STS: variants seen among roughly 807,000 people sequenced by gnomAD.
STS encodes the protein steryl-sulfatase.
In STS, 7 loss-of-function variants were observed where a neutral mutation model predicts 26.8. The observed-to-expected ratio is 0.26, with a 90% confidence interval of 0.15 to 0.49. The LOEUF (loss-of-function observed/expected upper bound fraction) is 0.49. STS is among the 20% of genes least tolerant of loss of function. STS has a pLI of 0.98. For synonymous variants in STS, 199 were observed against 189.4 expected, an observed-to-expected ratio of 1.05 and a Z score of -0.42; for missense variants, 434 against 465.6, an observed-to-expected ratio of 0.93 and a Z score of 0.63.
chrX:7,308,875 A>G lies in STS; in HGVS notation c.1081+3692A>G, dbSNP rs747857302. ...AGATATCTTGTTCTCTAGAGCTGCA[A>G]ACTCGAACACATACCTGTGGTTTAC... On this transcript the variant is annotated intron_variant, in intron 8 of 10. Transcript: ENST00000674429. Among the ~76,000 whole-genome samples the G allele has an allele frequency of 1.2e-4, 13 of 111,910 alleles. No homozygotes were observed. The South Asian group carries it at 4.5e-3, about 39-fold the overall frequency.
chrX:7,179,548 T>C (rs1435916024), intron 1 of STS, among the ~76,000 whole-genome samples: 6 of 112,498 alleles, frequency 5.3e-5, no homozygotes, highest in Non-Finnish European at 7.5e-5. Flanking sequence ...GGTACATGTA[T>C]TCACACCCAA....
chrX:7,227,192 TA>T (rs1394957899), intron 2 of STS, among the ~76,000 whole-genome samples: 5 of 112,009 alleles, frequency 4.5e-5, no homozygotes, highest in Admixed American at 9.5e-5. Context: ...ATAAATCCTT[TA>T]AAAAATAATT....
chrX:7,271,963 A>G (rs926926267), intron 6 of STS, among the ~76,000 whole-genome samples: 5 of 109,823 alleles, frequency 4.6e-5, no homozygotes, highest in East Asian at 2.9e-4. Flanking sequence ...TTCTCTTTCA[A>G]AGGAGTAGGG....
At chrX:7,170,220 G>A (rs1164875086) in intron 1 of STS, among the ~76,000 whole-genome samples, 2 of 109,808 alleles carry the variant, frequency 1.8e-5, no homozygotes, top group African/African-American at 6.7e-5. Flanking sequence ...CTAGAAAAAC[G>A]TGACTTCTTA....
chrX:7,176,026 C>T (rs945575936), intron 1 of STS, among the ~76,000 whole-genome samples: 2 of 111,696 alleles, frequency 1.8e-5, no homozygotes, highest in Non-Finnish European at 3.8e-5. Flanking sequence ...TACCTTGCCT[C>T]TCCACTCACC....
intron 2 of STS, among the ~76,000 whole-genome samples, chrX:7,196,125 C>T (rs1237029264): frequency 1.8e-5 from 2 of 111,794 alleles, no homozygotes; most frequent in East Asian, 5.6e-4. Context: ...ACATGGATAC[C>T]TCCTGTGTAT....
chrX:7,285,276 A>G (rs571653396), intron 7 of STS, among the ~76,000 whole-genome samples: 55 of 111,717 alleles, frequency 4.9e-4, no homozygotes, highest in African/African-American at 1.7e-3. Flanking sequence ...ATATATTTAA[A>G]TAAATTCCCC....
At chrX:7,240,575 G>A (rs1274193242) in intron 2 of STS, among the ~76,000 whole-genome samples, 1 of 95,413 alleles carries the variant, frequency 1.0e-5, no homozygotes. Context: ...TTCTATGATG[G>A]CATCTTGGTG....
chrX:7,240,523 G>A (rs1301535067), intron 2 of STS, among the ~76,000 whole-genome samples: 29 of 28,748 alleles, frequency 1.0e-3, no homozygotes, highest in African/African-American at 2.7e-3. Flanking sequence ...GTGTGTGTGT[G>A]TGTGTGTGTG....
chrX:7,253,013 T>C (rs763644924), intron 2 of STS, among the ~76,000 whole-genome samples, 183 bp from the exon 3 acceptor site: 85 of 110,910 alleles, frequency 7.7e-4, no homozygotes, highest in South Asian at 1.9e-3. Context: ...TAGCTGGGTG[T>C]GGTGACACAT....
intron 2 of STS, among the ~76,000 whole-genome samples, chrX:7,249,695 T>C (rs1923044310): frequency 9.0e-6 from 1 of 111,604 alleles, no homozygotes; most frequent in Admixed American, 9.6e-5. Context: ...GAGTCCTGGG[T>C]GCTAGTCTAG....
chrX:7,333,892 C>A (rs760965291), intron 9 of STS, 94 bp from the exon 10 acceptor site: 63 of 1,154,982 alleles, frequency 5.5e-5, no homozygotes, highest in Non-Finnish European at 6.5e-5. Context: ...GTATTAATTA[C>A]GACTGGAGCT....
intron 7 of STS, among the ~76,000 whole-genome samples, chrX:7,279,253 G>A (rs1410046725): frequency 3.0e-5 from 3 of 99,368 alleles, no homozygotes; most frequent in African/African-American, 3.9e-5. Flanking sequence ...GCAGTGAGCC[G>A]AGATCGCACC....
chrX:7,177,069 G>C (rs1601631111), intron 1 of STS, among the ~76,000 whole-genome samples: 1 of 111,209 alleles, frequency 9.0e-6, no homozygotes, highest in African/African-American at 3.3e-5. Context: ...CTTGCTCCTG[G>C]CTCTCTGAGA....
intron 1 of STS, among the ~76,000 whole-genome samples, chrX:7,189,337 A>C (rs1260273501): frequency 8.9e-6 from 1 of 111,909 alleles, no homozygotes; most frequent in African/African-American, 3.2e-5. Flanking sequence ...CCCATTTTCT[A>C]TTCATTTCTA....
intron 2 of STS, among the ~76,000 whole-genome samples, chrX:7,206,540 G>C (rs1308826056): frequency 8.9e-6 from 1 of 111,907 alleles, no homozygotes; most frequent in Admixed American, 9.5e-5. Flanking sequence ...ATTGCTGATA[G>C]TTAACCATAC....
At chrX:7,323,227 T>G (rs1927138686) in intron 8 of STS, among the ~76,000 whole-genome samples, 2 of 107,906 alleles carry the variant, frequency 1.9e-5, no homozygotes, top group African/African-American at 6.7e-5. Context: ...AACAACATGT[T>G]TTTTTTTTTT....
At chrX:7,303,708 A>G (rs1335971175) in intron 7 of STS, among the ~76,000 whole-genome samples, 2 of 111,702 alleles carry the variant, frequency 1.8e-5, no homozygotes, top group East Asian at 2.8e-4. Context: ...GAAATTGTAC[A>G]TTGTCTACCT....
chrX:7,335,828 G>A (rs1182594094), intron 10 of STS, among the ~76,000 whole-genome samples: 4 of 111,629 alleles, frequency 3.6e-5, no homozygotes, highest in East Asian at 5.6e-4. Context: ...TCTCCATATG[G>A]CTAGCCAGTT....
Sources: gnomAD v4.1 joint callset for allele counts (sites outside exome capture counted in the v4.1 genomes callset) on GRCh38, gnomAD v4.1.1 for gene constraint, MANE v1.5 for transcripts, NCBI Gene and HGNC (gene_info 2026-07-23, HGNC 2026-07-21) for gene names.